The following TRIQK variants were observed in gnomAD, a reference collection of about 807,000 sequenced individuals.
The protein encoded by TRIQK is triple QxxK/R motif-containing protein.
A neutral mutation model predicts 10.8 loss-of-function variants in TRIQK; 10 were observed. The observed-to-expected ratio is 0.92, with a 90% confidence interval of 0.57 to 1.57. The LOEUF (loss-of-function observed/expected upper bound fraction) is 1.57. Ranked by LOEUF, TRIQK falls within the 40% of genes most tolerant of loss-of-function variation. The probability of loss-of-function intolerance (pLI) is 0.00; values close to 1 mark genes in which losing one functional copy is unlikely to be tolerated. For synonymous variants in TRIQK, 33 were observed against 33.7 expected (o/e 0.98, Z 0.07); for missense variants, 107 against 97.7 (o/e 1.09, Z -0.40).
At chr8:93,005,487 T>G (rs1295196425) in intron 1 of TRIQK, among the ~76,000 whole-genome samples, 2 of 142,848 alleles carry the variant, frequency 1.4e-5, no homozygotes, top group South Asian at 4.5e-4. Flanking sequence ...GTGGGACTCA[T>G]AAGGGTGCAA....
At chr8:92,991,223 G>A (rs909622053) in intron 1 of TRIQK, among the ~76,000 whole-genome samples, 4 of 152,180 alleles carry the variant, frequency 2.6e-5, no homozygotes, top group Middle Eastern at 3.2e-3. Flanking sequence ...TCCAGGCAGG[G>A]CACCTCTGAA....
chr8:93,011,863 T>G lies in TRIQK; in HGVS notation c.-181+5746A>C, dbSNP rs189393886. On this transcript the variant is annotated intron_variant, in intron 1 of 4. Transcript: ENST00000520686. ...AACAACTAATTGGTAGGGATGGGATTCAAACCTAGTCTAAATCTAAAGCCC... is the reference window on the plus strand; with the variant it reads ...AACAACTAATTGGTAGGGATGGGATGCAAACCTAGTCTAAATCTAAAGCCC... Among the ~76,000 whole-genome samples the G allele has an allele frequency of 7.2e-5, 11 of 152,256 alleles. 1 individual carries two copies. Among genetic ancestry groups the G allele is most frequent in the Admixed American group, 7.2e-4 (11 of 15,282 alleles).
intron 2 of TRIQK, among the ~76,000 whole-genome samples, chr8:92,951,815 C>A (rs916857448): frequency 3.9e-5 from 6 of 152,102 alleles, no homozygotes; most frequent in African/African-American, 1.2e-4. Context: ...CCAACTCTAG[C>A]CCACTCTAGC....
In TRIQK at chr8:93,011,039, C is replaced by T. The variant is rs1217039451; in HGVS notation, c.-181+6570G>A. On this transcript the variant is annotated intron_variant, in intron 1 of 4. Coordinates refer to the TRIQK transcript ENST00000520686. ...ATAACTCACAATGTATTTTATGGCA[C>T]CAAAATGGTGATACTTATGAAAATG... Among the ~76,000 whole-genome samples, 3 of 152,088 alleles carry T rather than the reference C, an allele frequency of 2.0e-5. No homozygotes were observed. In the East Asian group the frequency reaches 5.8e-4, roughly 29 times the overall value.
intron 3 of TRIQK, among the ~76,000 whole-genome samples, chr8:92,907,417 T>G (rs1386930996): frequency 6.6e-6 from 1 of 152,230 alleles, no homozygotes; most frequent in Non-Finnish European, 1.5e-5. Context: ...CTAGTTCTTC[T>G]CTGTGTCCTC....
At chr8:93,001,400 C>T (rs2130757002) in intron 1 of TRIQK, among the ~76,000 whole-genome samples, 1 of 151,404 alleles carries the variant, frequency 6.6e-6, no homozygotes, top group South Asian at 2.1e-4. Context: ...CTCACTTCAT[C>T]CGTAAGGACA....
intron 1 of TRIQK, among the ~76,000 whole-genome samples, chr8:93,000,610 A>G (rs566519277): frequency 6.6e-6 from 1 of 152,316 alleles, no homozygotes; most frequent in African/African-American, 2.4e-5. Context: ...AAATCATATC[A>G]ATATCTCAAA....
chr8:93,009,691 C>T (rs911039366), intron 1 of TRIQK, among the ~76,000 whole-genome samples: 1 of 151,690 alleles, frequency 6.6e-6, no homozygotes, highest in Non-Finnish European at 1.5e-5. Context: ...GAATGTAAAC[C>T]AGTACAGCTA....
chr8:93,014,557 T>C (rs1354714488), intron 1 of TRIQK, among the ~76,000 whole-genome samples: 1 of 152,116 alleles, frequency 6.6e-6, no homozygotes, highest in Non-Finnish European at 1.5e-5. Context: ...GTGGTTGTTC[T>C]GAGTTGTTGT....
intron 2 of TRIQK, among the ~76,000 whole-genome samples, chr8:92,941,652 G>GT (rs1811276739): frequency 6.6e-6 from 1 of 152,022 alleles, no homozygotes; most frequent in Non-Finnish European, 1.5e-5. Flanking sequence ...AGAGTTAGTT[G>GT]TTTTTTGCAA....
chr8:92,936,487 G>C (rs1810994785), intron 2 of TRIQK, among the ~76,000 whole-genome samples: 1 of 151,564 alleles, frequency 6.6e-6, no homozygotes, highest in African/African-American at 2.4e-5. Flanking sequence ...GCAGGAAGGA[G>C]AAAGCAAGGA....
chr8:92,940,416 A>G (rs1811210714), intron 2 of TRIQK, among the ~76,000 whole-genome samples: 1 of 152,192 alleles, frequency 6.6e-6, no homozygotes, highest in East Asian at 1.9e-4. Context: ...ACAAACTGAT[A>G]GTGAAGTAAC....
At chr8:92,983,305 G>A (rs1563672492) in intron 1 of TRIQK, among the ~76,000 whole-genome samples, 2 of 151,964 alleles carry the variant, frequency 1.3e-5, no homozygotes, top group Non-Finnish European at 1.5e-5. Context: ...AAGATTTTGT[G>A]ACTGTTCTTA....
At chr8:92,952,080 G>GAA (rs112928581) in intron 2 of TRIQK, among the ~76,000 whole-genome samples, 1 of 142,372 alleles carries the variant, frequency 7.0e-6, no homozygotes, top group African/African-American at 2.6e-5. Context: ...TACTAAAAGG[G>GAA]AAAAAAAAAA....
At chr8:92,935,573 C>A (rs1810944698) in intron 2 of TRIQK, among the ~76,000 whole-genome samples, 1 of 150,722 alleles carries the variant, frequency 6.6e-6, no homozygotes, top group Non-Finnish European at 1.5e-5. Context: ...AGAATAAAGC[C>A]CTTCAAATTA....
rs1373919577 is a variant in TRIQK, at chr8:92,981,053, T to C, written c.-180-26489A>G. On this transcript the variant is annotated intron_variant, in intron 1 of 4. Coordinates refer to the TRIQK transcript ENST00000520686. ...AGCATGGAGTATACATTTTGATAAA[T>C]ATCCTTTGAAAATAGCTTATAATTA... Among the ~76,000 whole-genome samples, 2 of 151,792 alleles carry C rather than the reference T, an allele frequency of 1.3e-5. 1 individual carries two copies. Among genetic ancestry groups the C allele is most frequent in the Non-Finnish European group, 2.9e-5 (2 of 67,828 alleles).
intron 1 of TRIQK, among the ~76,000 whole-genome samples, chr8:93,004,484 G>A (rs1813248287): frequency 6.6e-6 from 1 of 152,194 alleles, no homozygotes; most frequent in African/African-American, 2.4e-5. Flanking sequence ...GAAATGCCCT[G>A]GAGGTATCTT....
chr8:92,943,121 G>C (rs966459719), intron 2 of TRIQK, among the ~76,000 whole-genome samples: 2 of 151,004 alleles, frequency 1.3e-5, no homozygotes, highest in African/African-American at 4.9e-5. Flanking sequence ...AACCAAGGAG[G>C]TGAAAACTCT....
chr8:92,932,763 G>C (rs1563642795), intron 2 of TRIQK, among the ~76,000 whole-genome samples: 1 of 151,828 alleles, frequency 6.6e-6, no homozygotes, highest in Non-Finnish European at 1.5e-5. Context: ...TGCGTTTATA[G>C]CAGTATGTAC....
Sources: gnomAD v4.1 joint callset for allele counts (sites outside exome capture counted in the v4.1 genomes callset) on GRCh38, gnomAD v4.1.1 for gene constraint, MANE v1.5 for transcripts, NCBI Gene and HGNC (gene_info 2026-07-23, HGNC 2026-07-21) for gene names.